The following ICAM2 variants were observed in gnomAD, a reference collection of about 807,000 sequenced individuals.
ICAM2 encodes the protein ICAM-2.
A neutral mutation model predicts 19.1 loss-of-function variants in ICAM2; 14 were observed. The observed-to-expected ratio is 0.73, with a 90% CI of 0.48 to 1.15. The LOEUF (loss-of-function observed/expected upper bound fraction) is 1.15. ICAM2 is among the 50% of genes most tolerant of loss of function. ICAM2 has a pLI of 0.00. For synonymous variants in ICAM2, 153 were observed against 152.7 expected, an observed-to-expected ratio of 1.00 and a Z score of -0.01; for missense variants, 311 against 355.4, an observed-to-expected ratio of 0.88 and a Z score of 1.00.
At position 64,003,811 on chromosome 17, in the gene ICAM2, A is replaced by G; in HGVS notation, c.482T>C (p.Phe161Ser). 6.2e-7 allele frequency: 1 copy of G among 1,614,206 alleles called. No individual in the cohort carries two copies. Among genetic ancestry groups the G allele is most frequent in the Non-Finnish European group, 8.5e-7 (1 of 1,180,054 alleles). Residue 161 changes from phenylalanine (F) to serine (S), a missense_variant, in exon 4 of 5, where the codon TTC becomes TCC. By Grantham distance (155) the Phe-to-Ser change is radical. Transcript: ENST00000579788. ...CTGCGGAGCAGGGGCTGCCTTCCCGAAGGTCTCATAGTGCAGAGTCTCATT... is the reference window on the plus strand; with the variant it reads ...CTGCGGAGCAGGGGCTGCCTTCCCGGAGGTCTCATAGTGCAGAGTCTCATT... The part of the protein sequence containing the change: ...RGNETLHYET[F>S]GKAAPAPQEA...
At chr17:64,012,832 C>A (rs1185115615) in intron 1 of ICAM2, among the ~76,000 whole-genome samples, 1 of 152,142 alleles carries the variant, frequency 6.6e-6, no homozygotes, top group Non-Finnish European at 1.5e-5. Flanking sequence ...ATTTTGGTAT[C>A]TGTTGGGAGG....
At chr17:64,006,578 C>G in intron 2 of ICAM2, 53 bp downstream of exon 2, 1 of 1,520,510 alleles carries the variant, frequency 6.6e-7, no homozygotes, top group Non-Finnish European at 9.1e-7. Flanking sequence ...CAGGGCACCC[C>G]CACCCTCTCG....
chr17:64,020,442 A>G lies in ICAM2; in HGVS notation c.-45+81T>C, dbSNP rs539727582. On this transcript the variant is annotated intron_variant, in intron 1 of 4. Transcript: ENST00000579788. ...TGAGACCCAGAGAGGGGAACGGACT[A>G]AAACTCAGACCTCGACACTGCCAAA... The G allele has an allele frequency of 2.6e-5, 4 of 152,598 alleles. No homozygotes were observed. In the East Asian group the frequency reaches 7.7e-4, roughly 29 times the overall value. The allele number at this position is 152,598 out of a possible 1,614,324, so 9.5% of individuals were successfully genotyped here. A position where few individuals can be genotyped will look rare whatever the true frequency, so the allele number is the denominator to read the frequency against.
chr17:64,012,029 T>G (rs1458533910), intron 1 of ICAM2, among the ~76,000 whole-genome samples: 2 of 152,178 alleles, frequency 1.3e-5, no homozygotes, highest in African/African-American at 4.8e-5. Flanking sequence ...TGCCCAACAG[T>G]GGATGAATGG....
At chr17:64,015,528 C>G (rs777011962) in intron 1 of ICAM2, among the ~76,000 whole-genome samples, 4 of 152,014 alleles carry the variant, frequency 2.6e-5, no homozygotes, top group Non-Finnish European at 5.9e-5. Context: ...TCCCTTAAGC[C>G]CAAGAGTTTG....
intron 4 of ICAM2, chr17:64,003,231 G>T (rs1910927485): frequency 4.5e-6 from 2 of 443,808 alleles, no homozygotes; most frequent in South Asian, 5.7e-5. Flanking sequence ...CTGGAGGGTG[G>T]CATGGTCCCA....
intron 4 of ICAM2, 150 bp from the exon 5 acceptor site, chr17:64,003,075 G>C (rs1223968724): frequency 1.6e-6 from 1 of 625,656 alleles, no homozygotes; most frequent in East Asian, 2.8e-5. Flanking sequence ...GAGATGAGTG[G>C]TGAATGGTGT....
intron 1 of ICAM2, among the ~76,000 whole-genome samples, chr17:64,014,674 AAAGAAAGGAAGGAAGGAAGG>A (rs1229893870): frequency 8.3e-4 from 82 of 98,680 alleles, no homozygotes; most frequent in Middle Eastern, 0.01. Flanking sequence ...AGAGAGAAAG[AAAGAAAGGAAGGAAGGAAGG>A]AAGGAAGGAA....
At chr17:64,011,423 C>T (rs1311025979) in intron 1 of ICAM2, among the ~76,000 whole-genome samples, 1 of 152,108 alleles carries the variant, frequency 6.6e-6, no homozygotes, top group African/African-American at 2.4e-5. Flanking sequence ...GATCGCGCCA[C>T]TGCACTTCAG....
chr17:64,004,597 C>G (rs568565413), intron 3 of ICAM2: 1 of 189,734 alleles, frequency 5.3e-6, no homozygotes, highest in African/African-American at 2.3e-5. Context: ...TGGAATGGAC[C>G]CAGGTGATAC....
Position 64,002,746 on chromosome 17 carries a change from G to A in ICAM2, c.*1C>T. 1.2e-6 allele frequency: 2 copies of A among 1,610,414 alleles called. No individual in the cohort carries two copies. The highest frequency in any genetic ancestry group is 1.1e-5 in the South Asian group (1 of 90,890). On this transcript the variant is annotated 3_prime_UTR_variant, in exon 5 of 5. Transcript: ENST00000579788. ...GGTGGTGGCCATGCCACTCATGGTT[G>A]CTATGGCCGGAAGGCCTGGGGCAGC...
chr17:64,012,986 T>C (rs1326160473), intron 1 of ICAM2, among the ~76,000 whole-genome samples: 1 of 152,060 alleles, frequency 6.6e-6, no homozygotes, highest in East Asian at 1.9e-4. Flanking sequence ...TAAAATTGTA[T>C]AAAAACAATC....
At chr17:64,017,371 A>C (rs1911756481) in intron 1 of ICAM2, among the ~76,000 whole-genome samples, 1 of 152,240 alleles carries the variant, frequency 6.6e-6, no homozygotes, top group Non-Finnish European at 1.5e-5. Context: ...AAAAAAGTAG[A>C]GCAAGAAAAC....
chr17:64,006,469 C>T (rs889363099), intron 2 of ICAM2, 162 bp downstream of exon 2: 1 of 634,508 alleles, frequency 1.6e-6, no homozygotes, highest in Non-Finnish European at 2.8e-6. Flanking sequence ...TGTACTCCAG[C>T]CTGGGTGATA....
In ICAM2 at chr17:64,004,242, GTCTCC is replaced by G. The variant is rs554020587; in HGVS notation, c.329-283_329-279del. ...TGGAAAGATATAAAAGTTTGGGTCT[GTCTCC>G]TCTCCTTCAGAAATGAAATATAAAT... On this transcript the variant is annotated intron_variant, in intron 3 of 4. Coordinates refer to ENST00000579788, the MANE Select transcript of ICAM2 (RefSeq NM_001099789.2). 4.0e-3 allele frequency: 1,782 copies of G among 442,720 alleles called. 9 individuals are homozygous for G. Among genetic ancestry groups the G allele is most frequent in the Non-Finnish European group, 5.8e-3 (1,424 of 247,186 alleles). The allele number at this position is 442,720 out of a possible 1,614,324, so 27.4% of individuals were successfully genotyped here. A position where few individuals can be genotyped will look rare whatever the true frequency, so the allele number is the denominator to read the frequency against.
At chr17:64,017,689 T>C (rs1423910545) in intron 1 of ICAM2, among the ~76,000 whole-genome samples, 1 of 152,220 alleles carries the variant, frequency 6.6e-6, no homozygotes, top group Non-Finnish European at 1.5e-5. Context: ...TAAGACTTTC[T>C]GTAAAATATG....
chr17:64,005,326 C>T lies in ICAM2; in HGVS notation c.109G>A (p.Ala37Thr), dbSNP rs5503. 2.3e-3 allele frequency: 3,760 copies of T among 1,614,108 alleles called. 92 individuals are homozygous for T. In the African/African-American group the frequency reaches 0.044, roughly 19 times the overall value. Residue 37 changes from alanine (A) to threonine (T), a missense_variant, in exon 3 of 5, where the codon GCG becomes ACG. Physicochemically the swap from Ala to Thr is moderately conservative, Grantham distance 58. Transcript: ENST00000579788. Reference protein sequence around the residue: ...FEVHVRPKKLAVEPKGSLEVN... With the variant: ...FEVHVRPKKLTVEPKGSLEVN... ...TCGAGGGACCCTTTGGGCTCAACCG[C>T]CAGCTTCTTTGGCCTCACGTGTACC... is the stretch of plus-strand genomic sequence containing the variant.
rs1911026779 is a variant in ICAM2, at chr17:64,004,033, G to A, written c.329-69C>T. 3.3e-6 allele frequency: 4 copies of A among 1,215,340 alleles called. No homozygotes were observed. In the Admixed American group the frequency reaches 6.6e-5, roughly 20 times the overall value. 75.3% of individuals were successfully genotyped at this position (1,215,340 alleles called of 1,614,324 possible). On this transcript the variant is annotated intron_variant, in intron 3 of 4. Transcript: ENST00000579788. ...AGTCCCAGCAGCCTCCCCCTGGCCA[G>A]GGCCATCTCCTGTCACCATGGTGTT...
At chr17:64,004,926 C>T (rs748919042) in intron 3 of ICAM2, 181 bp downstream of exon 3, 1 of 658,042 alleles carries the variant, frequency 1.5e-6, no homozygotes. Context: ...GAGATGCCAG[C>T]GGGCTCAAGG....
Sources: gnomAD v4.1 joint callset for allele counts (sites outside exome capture counted in the v4.1 genomes callset) on GRCh38, gnomAD v4.1.1 for gene constraint, MANE v1.5 for transcripts, NCBI Gene and HGNC (gene_info 2026-07-23, HGNC 2026-07-21) for gene names.